The following STK32B variants were observed in gnomAD, a reference collection of about 807,000 sequenced individuals.
The protein encoded by STK32B is serine/threonine kinase 32B.
STK32B carries 43 observed loss-of-function variants against 52.6 expected under a neutral mutation model. The ratio of observed to expected loss-of-function variants is 0.82; its 90% CI spans 0.64 to 1.05. The LOEUF is 1.05. Among genes scored for constraint, STK32B ranks in the 50% least tolerant of loss-of-function variants. The pLI is 0.00. For missense variants in STK32B, 621 were observed against 534.6 expected (o/e 1.16, Z -1.59); for synonymous variants, 238 against 204.3 (o/e 1.17, Z -1.41).
chr4:5,468,193 A>G, intron 11 of STK32B, 123 bp downstream of exon 11: 1 of 913,562 alleles, frequency 1.1e-6, no homozygotes. Context: ...GGTATCGCTG[A>G]GGTGAGACAC....
At chr4:5,464,866 G>A (rs562134608) in intron 9 of STK32B, among the ~76,000 whole-genome samples, 1 of 152,086 alleles carries the variant, frequency 6.6e-6, no homozygotes, top group South Asian at 2.1e-4. Flanking sequence ...ATTTATGAAC[G>A]AATGAATGAA....
In STK32B at chr4:5,321,040, T is replaced by G. The variant is rs866108710; in HGVS notation, c.261-10180T>G. On this transcript the variant is annotated intron_variant, in intron 3 of 11. Transcript: ENST00000282908. ...ACTGTGTAGTTGAAGGGAAGGGTCT[T>G]TGAGAGAGTACAAAAGGGCTTTGAA... Among the ~76,000 whole-genome samples, 96 of 152,144 alleles carry G rather than the reference T, an allele frequency of 6.3e-4. 1 individual carries two copies. The highest frequency in any genetic ancestry group is 3.4e-3 in the Middle Eastern group (1 of 294).
intron 1 of STK32B, among the ~76,000 whole-genome samples, chr4:5,132,906 C>G (rs1163349371): frequency 6.6e-6 from 1 of 151,528 alleles, no homozygotes; most frequent in Non-Finnish European, 1.5e-5. Flanking sequence ...TCAGGTGATT[C>G]TTCTGCCTCA....
At chr4:5,030,239 G>A in the STK32B span, among the ~76,000 whole-genome samples, 1 of 152,170 alleles carries the variant, frequency 6.6e-6, no homozygotes, top group Non-Finnish European at 1.5e-5. Flanking sequence ...ATTCACTGAG[G>A]TTGATGATTT....
chr4:5,215,099 C>G (rs1431280297), intron 3 of STK32B, among the ~76,000 whole-genome samples: 1 of 152,164 alleles, frequency 6.6e-6, no homozygotes, highest in Non-Finnish European at 1.5e-5. Context: ...AAGCCATTTG[C>G]TAAATGGGAT....
Position 5,099,454 on chromosome 4 carries a change from G to GTGCGCACGCACA in STK32B, c.53-40451_53-40450insTGCGCACGCACA, listed in dbSNP as rs138682243. On this transcript the variant is annotated intron_variant, in intron 1 of 11. Transcript: ENST00000282908. ...CCTCTGTGTGTGTGTGTGTGTGCGC[G>GTGCGCACGCACA]CGCGCGTATGTGATGTGTTCACAAC... 6.2e-5 allele frequency among the ~76,000 whole-genome samples: 8 copies of GTGCGCACGCACA among 129,850 alleles called. No homozygotes were observed. The East Asian group carries it at 1.6e-3, about 26-fold the overall frequency. 85.2% of individuals were successfully genotyped at this position (129,850 alleles called of 152,430 possible).
intron 4 of STK32B, among the ~76,000 whole-genome samples, chr4:5,332,606 A>C (rs1287529575): frequency 6.6e-6 from 1 of 152,114 alleles, no homozygotes; most frequent in Non-Finnish European, 1.5e-5. Context: ...ATAACTCGTC[A>C]TTTAGCATTA....
At chr4:5,127,934 C>T (rs144029900) in intron 1 of STK32B, among the ~76,000 whole-genome samples, 6 of 152,344 alleles carry the variant, frequency 3.9e-5, no homozygotes, top group East Asian at 1.9e-4. Context: ...TACACGAGCT[C>T]TCTTGCCTGT....
intron 4 of STK32B, among the ~76,000 whole-genome samples, chr4:5,387,298 G>A (rs195141): frequency 0.63 from 96,000 of 152,022 alleles, 33,015 homozygotes; most frequent in Non-Finnish European, 0.78. Flanking sequence ...GCTGGATGCT[G>A]GATGCTGTGC....
At chr4:5,232,154 G>A (rs1724316688) in intron 3 of STK32B, among the ~76,000 whole-genome samples, 1 of 152,170 alleles carries the variant, frequency 6.6e-6, no homozygotes, top group South Asian at 2.1e-4. Context: ...AGGCTATGGG[G>A]TCCTCTCTCA....
chr4:5,447,586 T>C (rs1051665700), intron 7 of STK32B, among the ~76,000 whole-genome samples: 1 of 152,186 alleles, frequency 6.6e-6, no homozygotes, highest in African/African-American at 2.4e-5. Context: ...CAGTGAGCCA[T>C]GATGGCACCA....
intron 3 of STK32B, among the ~76,000 whole-genome samples, chr4:5,194,218 G>A (rs188821126): frequency 9.9e-5 from 15 of 152,280 alleles, no homozygotes; most frequent in Non-Finnish European, 1.8e-4. Context: ...TGAGACCAAT[G>A]GTCCTGTGTA....
At chr4:5,495,710 T>C (rs1340270284) in intron 11 of STK32B, among the ~76,000 whole-genome samples, 2 of 152,052 alleles carry the variant, frequency 1.3e-5, no homozygotes, top group South Asian at 2.1e-4. Flanking sequence ...TGTGGTTTTA[T>C]CTACTTTTGG....
At chr4:5,049,054 C>T (rs968821101), upstream of STK32B, among the ~76,000 whole-genome samples, 1 of 152,254 alleles carries the variant, frequency 6.6e-6, no homozygotes, top group Non-Finnish European at 1.5e-5. Flanking sequence ...CCGTGTGGAA[C>T]ATCTCCCAGC....
Position 5,316,237 on chromosome 4 carries a change from TTATA to T in STK32B, c.261-14979_261-14976del, listed in dbSNP as rs1730699160. 5.7e-5 allele frequency among the ~76,000 whole-genome samples: 4 copies of T among 70,098 alleles called. 2 individuals are homozygous for T. The highest frequency in any genetic ancestry group is 3.6e-4 in the African/African-American group (4 of 11,068). The allele number at this position is 70,098 out of a possible 152,430, so 46.0% of individuals were successfully genotyped here. ...TACATAATATATTATATATACAATATTATATATTGTATATATAATATATTATATA... is the reference window on the plus strand; with the variant it reads ...TACATAATATATTATATATACAATATTATTGTATATATAATATATTATATA... On this transcript the variant is annotated intron_variant, in intron 3 of 11. Coordinates refer to ENST00000282908, the MANE Select transcript of STK32B (RefSeq NM_018401.3).
rs371940810 is a variant in STK32B, at chr4:5,442,122, G to A, written c.563-4551G>A. Among the ~76,000 whole-genome samples, 101 of 117,564 alleles carry A rather than the reference G, an allele frequency of 8.6e-4. 2 individuals are homozygous for A. The highest frequency in any genetic ancestry group is 1.3e-3 in the South Asian group (3 of 2,350). 77.1% of individuals were successfully genotyped at this position (117,564 alleles called of 152,430 possible). A position where few individuals can be genotyped will look rare whatever the true frequency, so the allele number is the denominator to read the frequency against. Reference sequence around the variant, plus strand: ...AGTTCTGTAGATGTCTATTAGGTCCGCTTGGTGCAGAGCTGAGTTCAATTC... The same window carrying A: ...AGTTCTGTAGATGTCTATTAGGTCCACTTGGTGCAGAGCTGAGTTCAATTC... On this transcript the variant is annotated intron_variant, in intron 6 of 11. Transcript: ENST00000282908.
chr4:5,211,664 G>A (rs1387376717), intron 3 of STK32B, among the ~76,000 whole-genome samples: 1 of 152,168 alleles, frequency 6.6e-6, no homozygotes, highest in East Asian at 1.9e-4. Flanking sequence ...TCTCTCTTCT[G>A]TTAACTCACC....
intron 1 of STK32B, among the ~76,000 whole-genome samples, chr4:5,063,225 A>G (rs547062196): frequency 5.9e-5 from 9 of 152,320 alleles, no homozygotes; most frequent in Non-Finnish European, 1.2e-4. Context: ...ATGTGTAGGC[A>G]TTTCCATTGC....
chr4:5,128,712 A>G (rs1025015540), intron 1 of STK32B, among the ~76,000 whole-genome samples: 2 of 152,176 alleles, frequency 1.3e-5, no homozygotes, highest in Admixed American at 6.5e-5. Context: ...GTGGAGGAAA[A>G]GTCTCTTCTG....
Sources: allele counts gnomAD v4.1 joint callset (sites outside exome capture counted in the v4.1 genomes callset), GRCh38; gene constraint gnomAD v4.1.1; transcripts MANE v1.5; gene names NCBI Gene and HGNC (gene_info 2026-07-23, HGNC 2026-07-21).